Variants in LUZP2 observed in about 807,000 individuals in gnomAD.
LUZP2 encodes the protein leucine zipper protein 2.
LUZP2 carries 52 observed loss-of-function variants against 51.6 expected under a neutral mutation model. The observed-to-expected ratio is 1.01, with a 90% CI of 0.81 to 1.27. The LOEUF (loss-of-function observed/expected upper bound fraction) is 1.27, where lower values mean the gene tolerates loss of function less well. Ranked by LOEUF, LUZP2 falls within the 50% of genes most tolerant of loss-of-function variation. The pLI, the probability that LUZP2 is intolerant of heterozygous loss-of-function variation, is 0.00. For synonymous variants in LUZP2, 154 were observed against 137.3 expected (o/e 1.12, Z -0.85); for missense variants, 436 against 395.4 (o/e 1.10, Z -0.87).
chr11:24,501,790 C>A (rs78052152), intron 1 of LUZP2, among the ~76,000 whole-genome samples: 2,325 of 152,172 alleles, frequency 0.015, 32 homozygotes, highest in Non-Finnish European at 0.025. Context: ...ATAATCTAGT[C>A]ATACATACAA....
chr11:24,976,132 G>A (rs1451262476), intron 7 of LUZP2, among the ~76,000 whole-genome samples: 1 of 151,804 alleles, frequency 6.6e-6, no homozygotes, highest in Non-Finnish European at 1.5e-5. Flanking sequence ...TGTGTCCTAT[G>A]GAATTAGGGC....
intron 10 of LUZP2, among the ~76,000 whole-genome samples, chr11:25,058,827 A>G (rs1858757424): frequency 6.6e-6 from 1 of 152,112 alleles, no homozygotes; most frequent in Admixed American, 6.6e-5. Context: ...CAATCTTTTG[A>G]CTTCTTGCTT....
At chr11:25,053,155 C>T (rs533985711) in intron 10 of LUZP2, among the ~76,000 whole-genome samples, 1 of 151,804 alleles carries the variant, frequency 6.6e-6, no homozygotes, top group African/African-American at 2.4e-5. Context: ...AGAGAGAGCC[C>T]CAGGATTCTG....
rs996008458 is a variant in LUZP2 at position 24,897,513 on chromosome 11, G to A, written c.397-8478G>A. ...GACGGGAGGAACAAACAACTCCCGA[G>A]GCGCTGCATTAAGAGCTGTAACACT... is the stretch of plus-strand genomic sequence containing the variant. On this transcript the variant is annotated intron_variant, in intron 5 of 11. Transcript: ENST00000336930. Among the ~76,000 whole-genome samples the A allele has an allele frequency of 6.6e-5, 10 of 152,100 alleles. No individual in the cohort carries two copies. In the South Asian group the frequency reaches 2.1e-3, roughly 32 times the overall value.
chr11:24,563,599 T>C (rs1029289517), intron 1 of LUZP2, among the ~76,000 whole-genome samples: 1 of 152,188 alleles, frequency 6.6e-6, no homozygotes, highest in Non-Finnish European at 1.5e-5. Context: ...TAGTCCCTTC[T>C]ATCCTTTTGA....
intron 1 of LUZP2, among the ~76,000 whole-genome samples, chr11:24,536,456 A>G (rs1851182323): frequency 6.6e-6 from 1 of 151,800 alleles, no homozygotes; most frequent in African/African-American, 2.4e-5. Context: ...GCACCTTCTC[A>G]ATCAGCACTT....
rs60482575 is a variant in LUZP2, at chr11:24,505,529, C to A, written c.62+8224C>A. Among the ~76,000 whole-genome samples, 902 of 152,064 alleles carry A rather than the reference C, an allele frequency of 5.9e-3. 9 individuals carry two copies. Among genetic ancestry groups the A allele is most frequent in the African/African-American group, 0.021 (854 of 41,474 alleles). ...CACAGAGAAATACAGCTCACTATAT[C>A]GACAGTCTACATTATCTAATTAAAA... is the stretch of plus-strand genomic sequence containing the variant. On this transcript the variant is annotated intron_variant, in intron 1 of 11. Coordinates refer to ENST00000336930, the MANE Select transcript of LUZP2 (RefSeq NM_001009909.4).
chr11:24,872,986 G>T (rs548865788), intron 5 of LUZP2, among the ~76,000 whole-genome samples: 144 of 152,164 alleles, frequency 9.5e-4, no homozygotes, highest in Non-Finnish European at 1.9e-3. Context: ...AAAATGCCTT[G>T]ATTTTGACTG....
chr11:24,734,511 T>C (rs1405633519), intron 3 of LUZP2, among the ~76,000 whole-genome samples: 1 of 151,822 alleles, frequency 6.6e-6, no homozygotes, highest in Non-Finnish European at 1.5e-5. Context: ...TAATTCATAG[T>C]TTTATCTAAA....
chr11:24,881,923 GT>G (rs1475329954), intron 5 of LUZP2, among the ~76,000 whole-genome samples: 1 of 147,134 alleles, frequency 6.8e-6, no homozygotes, highest in African/African-American at 2.5e-5. Flanking sequence ...GTGTTTATTT[GT>G]TTTATTATAG....
At chr11:24,905,965 C>G in intron 5 of LUZP2, 26 bp from the exon 6 acceptor site, 1 of 1,537,470 alleles carries the variant, frequency 6.5e-7, no homozygotes. Flanking sequence ...CTCTTCTTTG[C>G]AATAAAACTA....
intron 1 of LUZP2, among the ~76,000 whole-genome samples, chr11:24,554,162 A>G (rs1457029409): frequency 6.6e-6 from 1 of 152,186 alleles, no homozygotes; most frequent in East Asian, 1.9e-4. Flanking sequence ...TAATTTGAAA[A>G]TTGCAACTTC....
At chr11:25,040,516 T>G (rs1458029733) in intron 9 of LUZP2, among the ~76,000 whole-genome samples, 2 of 152,040 alleles carry the variant, frequency 1.3e-5, no homozygotes, top group African/African-American at 4.8e-5. Context: ...ACAAATAGAT[T>G]GGAATCTGAC....
intron 1 of LUZP2, among the ~76,000 whole-genome samples, chr11:24,694,834 C>A (rs754733576): frequency 6.6e-6 from 1 of 151,726 alleles, no homozygotes; most frequent in East Asian, 1.9e-4. Context: ...GAAAACTAAA[C>A]GCCGCATGTT....
chr11:24,550,799 A>G (rs1851702652), intron 1 of LUZP2, among the ~76,000 whole-genome samples: 1 of 151,990 alleles, frequency 6.6e-6, no homozygotes, highest in South Asian at 2.1e-4. Context: ...CTTGTCCAGG[A>G]ACAGTGGCTT....
intron 3 of LUZP2, among the ~76,000 whole-genome samples, chr11:24,736,664 A>G (rs1202725908): frequency 1.3e-5 from 2 of 152,116 alleles, no homozygotes; most frequent in South Asian, 2.1e-4. Context: ...TGTCTTGCAC[A>G]TTGTAAGCCT....
intron 1 of LUZP2, among the ~76,000 whole-genome samples, chr11:24,572,627 A>G (rs985397906): frequency 1.3e-4 from 20 of 152,142 alleles, no homozygotes; most frequent in African/African-American, 4.6e-4. Context: ...TGGCATACAA[A>G]AGCTGGAAAC....
At chr11:24,622,284 C>T (rs544540195) in intron 1 of LUZP2, among the ~76,000 whole-genome samples, 27 of 151,632 alleles carry the variant, frequency 1.8e-4, no homozygotes, top group African/African-American at 6.3e-4. Flanking sequence ...CCCTCTCCCC[C>T]CTCCCCACAA....
intron 7 of LUZP2, among the ~76,000 whole-genome samples, chr11:24,960,619 T>C (rs1195269983): frequency 6.6e-6 from 1 of 152,126 alleles, no homozygotes; most frequent in East Asian, 1.9e-4. Context: ...TTATTGTGTC[T>C]ATTTGATTCT....
Sources: gnomAD v4.1 joint callset for allele counts (sites outside exome capture counted in the v4.1 genomes callset) on GRCh38, gnomAD v4.1.1 for gene constraint, MANE v1.5 for transcripts, NCBI Gene and HGNC (gene_info 2026-07-23, HGNC 2026-07-21) for gene names.